The following LAMP3 variants were observed in gnomAD, a reference collection of about 807,000 sequenced individuals.
LAMP3 encodes the protein lysosome-associated membrane glycoprotein 3.
A neutral mutation model predicts 34.8 loss-of-function variants in LAMP3; 26 were observed. The ratio of observed to expected loss-of-function variants is 0.75; its 90% CI spans 0.55 to 1.04. LAMP3 has a LOEUF of 1.04. Among genes scored for constraint, LAMP3 ranks in the 50% least tolerant of loss-of-function variants. The probability of loss-of-function intolerance (pLI) is 0.00; values close to 1 mark genes in which losing one functional copy is unlikely to be tolerated. For missense variants in LAMP3, 495 were observed against 524.0 expected (o/e 0.94, Z 0.54); for synonymous variants, 180 against 201.9 (o/e 0.89, Z 0.92).
intron 1 of LAMP3, among the ~76,000 whole-genome samples, chr3:183,162,362 T>G (rs1195064004): frequency 5.3e-5 from 8 of 152,136 alleles, no homozygotes; most frequent in Admixed American, 5.2e-4. Flanking sequence ...CCGAGTGACC[T>G]CTACAAACTC....
At chr3:183,161,886 G>T in intron 1 of LAMP3, 1 of 835,284 alleles carries the variant, frequency 1.2e-6, no homozygotes. Flanking sequence ...GGGGAGAACT[G>T]CCTAGGCAAG....
In LAMP3 at chr3:183,124,148, C is replaced by T. The variant is rs1560300906; in HGVS notation, c.1184G>A (p.Cys395Tyr). Reference protein sequence around the residue: ...PVIGAIVVGLCLMGMGVYKIR... With the variant: ...PVIGAIVVGLYLMGMGVYKIR... ...TTTATAGACACCCATACCCATAAGG[C>T]AGAGACCAACCACGATGGCCCCAAT... The change falls in exon 6 of 6, where the codon TGC (cysteine) becomes TAC (tyrosine). Residue 395 changes from cysteine (C) to tyrosine (Y), a missense_variant. By Grantham distance (194) the Cys-to-Tyr change is radical. Coordinates refer to ENST00000265598, the MANE Select transcript of LAMP3 (RefSeq NM_014398.4). 3 of 1,612,610 alleles carry T rather than the reference C, an allele frequency of 1.9e-6. No homozygotes were observed. The highest frequency in any genetic ancestry group is 2.5e-6 in the Non-Finnish European group (3 of 1,179,520).
Position 183,162,553 on chromosome 3 carries a change from T to C in LAMP3, c.49+54A>G, listed in dbSNP as rs2108617770. 7.2e-6 allele frequency: 11 copies of C among 1,525,790 alleles called. 1 individual carries two copies. The South Asian group carries it at 1.3e-4, about 18-fold the overall frequency. 94.5% of individuals were successfully genotyped at this position (1,525,790 alleles called of 1,614,324 possible). On this transcript the variant is annotated intron_variant, in intron 1 of 5. Transcript: ENST00000265598. ...CCCGGGACTCCAGAGTGCGTTTAGA[T>C]GAAAGGGGACCGACACGTCAGGGCC...
At chr3:183,163,427 G>GA (rs1295334887), upstream of LAMP3, among the ~76,000 whole-genome samples, 1 of 150,360 alleles carries the variant, frequency 6.7e-6, no homozygotes, top group Non-Finnish European at 1.5e-5. Flanking sequence ...AGTAGCTGGG[G>GA]TTACAGGCGC....
intron 1 of LAMP3, among the ~76,000 whole-genome samples, chr3:183,155,770 C>T (rs1357894837): frequency 6.6e-6 from 1 of 152,220 alleles, no homozygotes; most frequent in Non-Finnish European, 1.5e-5. Flanking sequence ...ACCATTTTTA[C>T]CGTCAGTGCC....
rs200788572 is a variant in LAMP3 at position 183,153,666 on chromosome 3, T to A, written c.759+16A>T. On this transcript the variant is annotated intron_variant, in intron 2 of 5. Transcript: ENST00000265598. ...CTTTTTGAAGATAGTGTTATAGTCCTGTGGCCCCAACTTACCGACTCCTTG... is the reference window on the plus strand; with the variant it reads ...CTTTTTGAAGATAGTGTTATAGTCCAGTGGCCCCAACTTACCGACTCCTTG... 4.0e-6 allele frequency: 6 copies of A among 1,494,354 alleles called. No individual in the cohort carries two copies. In the African/African-American group the frequency reaches 7.0e-5, roughly 17 times the overall value. The allele number at this position is 1,494,354 out of a possible 1,614,324, so 92.6% of individuals were successfully genotyped here.
chr3:183,163,763 G>A (rs1721053929), upstream of LAMP3: 2 of 152,338 alleles, frequency 1.3e-5, no homozygotes, highest in East Asian at 3.9e-4. Flanking sequence ...GCCTCGCCAG[G>A]ACCGCGGTTT....
At chr3:183,162,565 G>C in intron 1 of LAMP3, 42 bp downstream of exon 1, 1 of 1,540,748 alleles carries the variant, frequency 6.5e-7, no homozygotes, top group Middle Eastern at 1.7e-4. Flanking sequence ...AAAGGGGACC[G>C]ACACGTCAGG....
chr3:183,135,512 T>A (rs1720054388), intron 5 of LAMP3, among the ~76,000 whole-genome samples: 1 of 152,148 alleles, frequency 6.6e-6, no homozygotes, highest in South Asian at 2.1e-4. Context: ...TGCAACCCGC[T>A]GCGGGACAGC....
intron 3 of LAMP3, among the ~76,000 whole-genome samples, chr3:183,145,556 T>TA (rs1159885073): frequency 6.6e-6 from 1 of 152,266 alleles, no homozygotes; most frequent in African/African-American, 2.4e-5. Flanking sequence ...TATTTCAATT[T>TA]AAAAAACTAC....
Position 183,141,490 on chromosome 3 carries a change from A to G in LAMP3, c.889-895T>C, listed in dbSNP as rs895492230. Among the ~76,000 whole-genome samples the G allele has an allele frequency of 2.6e-5, 4 of 152,224 alleles. No individual in the cohort carries two copies. The South Asian group carries it at 8.3e-4, about 31-fold the overall frequency. On this transcript the variant is annotated intron_variant, in intron 3 of 5. Transcript: ENST00000265598. ...GTGTTCTCAGTTTTAAACATTCCTTAGAAAACCATTTACAAGTTAAGAGAT... is the reference window on the plus strand; with the variant it reads ...GTGTTCTCAGTTTTAAACATTCCTTGGAAAACCATTTACAAGTTAAGAGAT...
In LAMP3 at chr3:183,136,646, C is replaced by T. The variant is rs539903117; in HGVS notation, c.947-759G>A. On this transcript the variant is annotated intron_variant, in intron 4 of 5. Coordinates refer to ENST00000265598, the MANE Select transcript of LAMP3 (RefSeq NM_014398.4). Reference sequence around the variant, plus strand: ...AGCCTGGGCAACAACAGTGAAACTCCGTTTCAGAAAAAAAAAAAAAAAAAC... The same window carrying T: ...AGCCTGGGCAACAACAGTGAAACTCTGTTTCAGAAAAAAAAAAAAAAAAAC... Among the ~76,000 whole-genome samples the T allele has an allele frequency of 8.3e-3, 630 of 75,728 alleles. 6 individuals are homozygous for T. Among genetic ancestry groups the T allele is most frequent in the African/African-American group, 0.028 (603 of 21,420 alleles). 49.7% of individuals were successfully genotyped at this position (75,728 alleles called of 152,430 possible). A position where few individuals can be genotyped will look rare whatever the true frequency, so the allele number is the denominator to read the frequency against.
In LAMP3 at chr3:183,151,718, G is replaced by A. The variant is rs536224801; in HGVS notation, c.888+657C>T. Among the ~76,000 whole-genome samples, 294 of 151,536 alleles carry A rather than the reference G, an allele frequency of 1.9e-3. 1 individual carries two copies. The highest frequency in any genetic ancestry group is 5.2e-3 in the African/African-American group (215 of 41,272). On this transcript the variant is annotated intron_variant, in intron 3 of 5. Coordinates refer to ENST00000265598, the MANE Select transcript of LAMP3 (RefSeq NM_014398.4). ...GCTGGGATTACAGGTGTGAGCCACC[G>A]CACCCAGCTGGGGCATGCTCTTTAC... is the stretch of plus-strand genomic sequence containing the variant.
Position 183,135,834 on chromosome 3 carries a change from C to G in LAMP3, c.1000G>C (p.Gly334Arg), listed in dbSNP as rs150432783. 4 of 1,613,850 alleles carry G rather than the reference C, an allele frequency of 2.5e-6. No homozygotes were observed. The highest frequency in any genetic ancestry group is 3.4e-6 in the Non-Finnish European group (4 of 1,179,736). ...HAVVMFQTAVGHSFKCVSEQS... is the reference protein window; with the variant it reads ...HAVVMFQTAVRHSFKCVSEQS... ...TCACTCACGCACTTGAAGGAATGCC[C>G]GACTGCTGTCTGGAACATCACCACC... The change falls in exon 5 of 6, where the codon GGG becomes CGG. Residue 334 changes from glycine (G) to arginine (R), a missense_variant. Physicochemically the swap from Gly to Arg is moderately radical, Grantham distance 125. Transcript: ENST00000265598.
At chr3:183,156,046 G>GA (rs1720812837) in intron 1 of LAMP3, among the ~76,000 whole-genome samples, 1 of 152,156 alleles carries the variant, frequency 6.6e-6, no homozygotes, top group African/African-American at 2.4e-5. Context: ...GGCACATAGG[G>GA]ATCCAGAAAA....
At chr3:183,157,274 G>A (rs1484958307) in intron 1 of LAMP3, among the ~76,000 whole-genome samples, 1 of 152,108 alleles carries the variant, frequency 6.6e-6, no homozygotes, top group Non-Finnish European at 1.5e-5. Flanking sequence ...TAAGTTAAAT[G>A]CATGATACTT....
intron 3 of LAMP3, among the ~76,000 whole-genome samples, chr3:183,147,303 C>T (rs1362905611): frequency 6.6e-6 from 1 of 151,998 alleles, no homozygotes; most frequent in Non-Finnish European, 1.5e-5. Flanking sequence ...TGAGAATGGA[C>T]ATTGGACCAT....
intron 4 of LAMP3, among the ~76,000 whole-genome samples, chr3:183,139,529 T>G (rs901560350): frequency 7.9e-5 from 12 of 152,186 alleles, no homozygotes; most frequent in Non-Finnish European, 1.5e-4. Context: ...GATATACTGT[T>G]TTTTCCTGCA....
intron 5 of LAMP3, among the ~76,000 whole-genome samples, chr3:183,129,902 C>A (rs1719866609): frequency 6.6e-6 from 1 of 152,060 alleles, no homozygotes; most frequent in African/African-American, 2.4e-5. Context: ...TAGGGTGGGC[C>A]TCTATCCAAT....
Sources: gnomAD v4.1 joint callset for allele counts (sites outside exome capture counted in the v4.1 genomes callset) on GRCh38, gnomAD v4.1.1 for gene constraint, MANE v1.5 for transcripts, NCBI Gene and HGNC (gene_info 2026-07-23, HGNC 2026-07-21) for gene names.